The following MTREX variants were observed in gnomAD, a reference collection of about 807,000 sequenced individuals.
The protein encoded by MTREX is Mtr4 exosome RNA helicase.
Under a neutral mutation model 135.4 loss-of-function variants are expected in MTREX, and 76 were observed. The ratio of observed to expected loss-of-function variants is 0.56; its 90% CI spans 0.47 to 0.68. The LOEUF is 0.68. MTREX is among the 30% of genes least tolerant of loss of function. MTREX has a pLI of 0.00. For synonymous variants in MTREX, 404 were observed against 401.6 expected, an observed-to-expected ratio of 1.01 and a Z score of -0.07; for missense variants, 920 against 1,262.1, an observed-to-expected ratio of 0.73 and a Z score of 4.11.
rs1750114524 is a variant in MTREX at position 55,366,985 on chromosome 5, C to G, written c.1810+110C>G. 7.4e-6 allele frequency: 6 copies of G among 816,006 alleles called. No individual in the cohort carries two copies. In the South Asian group the frequency reaches 1.3e-4, roughly 18 times the overall value. The allele number at this position is 816,006 out of a possible 1,614,324, so 50.5% of individuals were successfully genotyped here. A position where few individuals can be genotyped will look rare whatever the true frequency, so the allele number is the denominator to read the frequency against. ...TGTTTTTGTAAGGTAAATTTTGGTT[C>G]ATACGTAATGGACTGCACAACTGTA... On this transcript the variant is annotated intron_variant, in intron 16 of 26. Transcript: ENST00000230640.
chr5:55,326,253 A>G (rs1489399219), intron 3 of MTREX, among the ~76,000 whole-genome samples: 1 of 152,016 alleles, frequency 6.6e-6, no homozygotes, highest in Admixed American at 6.6e-5. Context: ...AAAAAAAATT[A>G]ACCAGGCATG....
chr5:55,333,697 T>G (rs1392038986), intron 5 of MTREX, among the ~76,000 whole-genome samples: 1 of 152,136 alleles, frequency 6.6e-6, no homozygotes, highest in African/African-American at 2.4e-5. Flanking sequence ...CTTCAAAAAG[T>G]TATAATGTAG....
intron 23 of MTREX, among the ~76,000 whole-genome samples, chr5:55,413,448 T>G (rs1750916945): frequency 1.3e-5 from 2 of 151,746 alleles, no homozygotes. Flanking sequence ...GTCAAAAATT[T>G]CTTCACAAAT....
chr5:55,411,479 A>C (rs1750883377), intron 23 of MTREX, among the ~76,000 whole-genome samples: 1 of 152,124 alleles, frequency 6.6e-6, no homozygotes, highest in African/African-American at 2.4e-5. Context: ...TCTTGGGGCA[A>C]GATGTCCGTA....
rs561438996 is a variant in MTREX, at chr5:55,312,409, T to C, written c.134+4262T>C. On this transcript the variant is annotated intron_variant, in intron 1 of 26. Coordinates refer to ENST00000230640, the MANE Select transcript of MTREX (RefSeq NM_015360.5). ...TATTTACTCCTTTGCACTTATTTCT[T>C]CTTCTTTTTTTTTTTAATCTTATTG... Among the ~76,000 whole-genome samples the C allele has an allele frequency of 2.0e-5, 3 of 152,086 alleles. No homozygotes were observed. The East Asian group carries it at 5.8e-4, about 29-fold the overall frequency.
chr5:55,406,357 G>A (rs12522703), intron 22 of MTREX, among the ~76,000 whole-genome samples: 27,732 of 152,034 alleles, frequency 0.18, 2,645 homozygotes, highest in Admixed American at 0.19. Context: ...CTCTCTCTCT[G>A]TTAGAGCTTC....
intron 2 of MTREX, among the ~76,000 whole-genome samples, chr5:55,323,156 G>A (rs1250056207): frequency 6.6e-6 from 1 of 152,008 alleles, no homozygotes; most frequent in East Asian, 1.9e-4. Context: ...TGATAGATGT[G>A]TCACTGGAAT....
At chr5:55,384,087 A>G (rs1380489585) in intron 18 of MTREX, among the ~76,000 whole-genome samples, 1 of 152,046 alleles carries the variant, frequency 6.6e-6, no homozygotes. Flanking sequence ...TTCTTTGAAT[A>G]TTTTTCTACT....
rs566700876 is a variant in MTREX, at chr5:55,414,285, T to C, written c.2808+47T>C. ...TTTGAACTACATATTTTATGAATAGTAGATTGTAAAATAAACATTTTTGAT... is the reference window on the plus strand; with the variant it reads ...TTTGAACTACATATTTTATGAATAGCAGATTGTAAAATAAACATTTTTGAT... On this transcript the variant is annotated intron_variant, in intron 24 of 26. Transcript: ENST00000230640. 93 of 1,366,878 alleles carry C rather than the reference T, an allele frequency of 6.8e-5. 1 individual carries two copies. The South Asian group carries it at 1.3e-3, about 18-fold the overall frequency. The allele number at this position is 1,366,878 out of a possible 1,614,324, so 84.7% of individuals were successfully genotyped here.
intron 24 of MTREX, among the ~76,000 whole-genome samples, chr5:55,415,501 G>A (rs1267641000): frequency 1.3e-5 from 2 of 152,050 alleles, no homozygotes; most frequent in Non-Finnish European, 2.9e-5. Flanking sequence ...AGGAGTTTTT[G>A]GCCTTTTAGA....
At chr5:55,313,409 C>G (rs1054861383) in intron 1 of MTREX, among the ~76,000 whole-genome samples, 2 of 151,964 alleles carry the variant, frequency 1.3e-5, no homozygotes, top group Non-Finnish European at 1.5e-5. Flanking sequence ...ACACTGCACT[C>G]TAGCCTAGGT....
At chr5:55,383,694 T>C (rs1208954297) in intron 18 of MTREX, among the ~76,000 whole-genome samples, 1 of 152,214 alleles carries the variant, frequency 6.6e-6, no homozygotes, top group Non-Finnish European at 1.5e-5. Context: ...ACTTGTACTT[T>C]ATTGAATTTT....
intron 15 of MTREX, among the ~76,000 whole-genome samples, chr5:55,365,026 G>A (rs1750078326): frequency 2.0e-5 from 3 of 152,168 alleles, no homozygotes; most frequent in African/African-American, 7.2e-5. Flanking sequence ...AACTATGCTG[G>A]GCTTACTTGG....
intron 18 of MTREX, among the ~76,000 whole-genome samples, 199 bp from the exon 19 acceptor site, chr5:55,387,775 T>A (rs749762121): frequency 7.9e-5 from 12 of 152,128 alleles, no homozygotes; most frequent in Admixed American, 2.0e-4. Flanking sequence ...AAATATAAAG[T>A]TATTTCTGTG....
intron 21 of MTREX, among the ~76,000 whole-genome samples, chr5:55,401,631 C>G (rs1750724802): frequency 6.6e-6 from 1 of 152,212 alleles, no homozygotes; most frequent in African/African-American, 2.4e-5. Context: ...TAACTGCTTT[C>G]TCTACATCTT....
chr5:55,349,516 G>A (rs1353869400), intron 11 of MTREX, 57 bp from the exon 12 acceptor site: 1 of 907,614 alleles, frequency 1.1e-6, no homozygotes, highest in Non-Finnish European at 1.8e-6. Flanking sequence ...TGTAATGTGT[G>A]AAGTTTGGTA....
At chr5:55,324,038 A>G in intron 2 of MTREX, 94 bp from the exon 3 acceptor site, 2 of 832,558 alleles carry the variant, frequency 2.4e-6, no homozygotes, top group South Asian at 3.0e-5. Context: ...ATGATTGGAC[A>G]GTGTCATTTT....
rs1403686431 is a variant in MTREX at position 55,397,471 on chromosome 5, T to C, written c.2237T>C (p.Ile746Thr). Residue 746 changes from isoleucine to threonine, a missense_variant, in exon 20 of 27, where the codon ATT becomes ACT. Around this residue, in one of 6 missense-constraint regions of MTREX, gnomAD observed 467 missense variants for 589.7 expected, o/e 0.79. Coordinates refer to ENST00000230640, the MANE Select transcript of MTREX (RefSeq NM_015360.5). ...LSAISSVRLY[I>T]PKDLRPVDNR... ...GCTATCAGCAGTGTTAGGCTTTACA[T>C]TCCTAAAGACCTTCGGCCGGTGGAC... 1 of 1,611,056 alleles carries C rather than the reference T, an allele frequency of 6.2e-7. No individual in the cohort carries two copies. Among genetic ancestry groups the C allele is most frequent in the African/African-American group, 1.3e-5 (1 of 74,920 alleles).
In MTREX at chr5:55,425,486, AT is replaced by A. The variant is rs918835527; in HGVS notation, c.*720del. 2.9e-6 allele frequency: 2 copies of A among 679,778 alleles called. No homozygotes were observed. The highest frequency in any genetic ancestry group is 4.4e-6 in the Non-Finnish European group (2 of 451,178). The allele number at this position is 679,778 out of a possible 1,614,324, so 42.1% of individuals were successfully genotyped here. A position where few individuals can be genotyped will look rare whatever the true frequency, so the allele number is the denominator to read the frequency against. ...TATAAAAAATTAGAGACTAACTGGG[AT>A]TTTTTAAAGATTATTCCAAATTAAG... On this transcript the variant is annotated 3_prime_UTR_variant, in exon 27 of 27. Coordinates refer to ENST00000230640, the MANE Select transcript of MTREX (RefSeq NM_015360.5).
Sources: allele counts gnomAD v4.1 joint callset (sites outside exome capture counted in the v4.1 genomes callset), GRCh38; gene constraint gnomAD v4.1.1; regional missense constraint gnomAD v4.1.1; transcripts MANE v1.5; gene names NCBI Gene and HGNC (gene_info 2026-07-23, HGNC 2026-07-21).